SLC16A2: variants seen among roughly 807,000 people sequenced by gnomAD.
The protein encoded by SLC16A2 is solute carrier family 16 member 2.
SLC16A2 carries 3 observed loss-of-function variants against 27.2 expected under a neutral mutation model. The observed-to-expected ratio is 0.11, with a 90% CI of 0.05 to 0.28. SLC16A2 has a LOEUF of 0.28. SLC16A2 is among the 10% of genes least tolerant of loss of function. The probability of loss-of-function intolerance (pLI) is 1.00; values close to 1 mark genes in which losing one functional copy is unlikely to be tolerated. For missense variants in SLC16A2, 295 were observed against 458.5 expected (o/e 0.64, Z 3.26); for synonymous variants, 202 against 187.8 (o/e 1.08, Z -0.62).
At chrX:74,471,021 A>G (rs2147852262) in intron 1 of SLC16A2, among the ~76,000 whole-genome samples, 1 of 112,275 alleles carries the variant, frequency 8.9e-6, no homozygotes, top group Admixed American at 9.4e-5. Flanking sequence ...TCTTTATCAG[A>G]TATGTCATTT....
At chrX:74,491,403 T>C (rs1434898485) in intron 1 of SLC16A2, among the ~76,000 whole-genome samples, 1 of 112,274 alleles carries the variant, frequency 8.9e-6, no homozygotes, top group Non-Finnish European at 1.9e-5. Context: ...TTGTGATCAA[T>C]AGAAAGGAAA....
intron 1 of SLC16A2, among the ~76,000 whole-genome samples, chrX:74,494,052 G>A (rs1396059977): frequency 1.8e-5 from 2 of 111,915 alleles, no homozygotes; most frequent in Admixed American, 1.9e-4. Flanking sequence ...AGGCTGAGAG[G>A]AGCAACACAG....
At chrX:74,495,477 C>T (rs1446321615) in intron 1 of SLC16A2, among the ~76,000 whole-genome samples, 3 of 109,027 alleles carry the variant, frequency 2.8e-5, no homozygotes, top group Non-Finnish European at 3.8e-5. Context: ...CCAGGCTGTC[C>T]TGTGGTTGAA....
chrX:74,421,805 G>C lies in SLC16A2; in HGVS notation c.168G>C (p.Gln56His), dbSNP rs1928302992. 1 of 1,160,603 alleles carries C rather than the reference G, an allele frequency of 8.6e-7. No homozygotes were observed. Among genetic ancestry groups the C allele is most frequent in the Non-Finnish European group, 1.2e-6 (1 of 865,434 alleles). The change falls in exon 1 of 6, where the codon CAG becomes CAC. Residue 56 changes from glutamine to histidine, a missense_variant. Physicochemically the swap from Gln to His is conservative, Grantham distance 24. Transcript: ENST00000587091. ...VPPPEPQPEP[Q>H]PLPDPAPLPE... Reference sequence around the variant, plus strand: ...CGCCCGAGCCCCAGCCGGAGCCCCAGCCCCTACCGGACCCCGCACCCCTGC... The same window carrying C: ...CGCCCGAGCCCCAGCCGGAGCCCCACCCCCTACCGGACCCCGCACCCCTGC...
intron 1 of SLC16A2, among the ~76,000 whole-genome samples, chrX:74,466,353 C>A (rs1166237048): frequency 1.8e-5 from 2 of 111,245 alleles, no homozygotes; most frequent in Non-Finnish European, 3.8e-5. Context: ...GGGAGAACAG[C>A]CATCCCTCAG....
chrX:74,528,763 A>G (rs1194854620), intron 4 of SLC16A2, among the ~76,000 whole-genome samples: 1 of 111,672 alleles, frequency 9.0e-6, no homozygotes, highest in East Asian at 2.8e-4. Flanking sequence ...TTACAACCCC[A>G]TCTGATCATC....
Position 74,421,780 on chromosome X carries a change from C to A in SLC16A2, c.143C>A (p.Pro48Gln). Residue 48 changes from proline (P) to glutamine (Q), a missense_variant, in exon 1 of 6, where the codon CCG becomes CAG. Physicochemically the swap from Pro to Gln is moderately conservative, Grantham distance 76 (BLOSUM62 -1). Transcript: ENST00000587091. Reference protein sequence around the residue: ...EPEPEPVPVPPPEPQPEPQPL... With the variant: ...EPEPEPVPVPQPEPQPEPQPL... ...GAGCCCGAGCCCGTGCCAGTGCCCC[C>A]GCCCGAGCCCCAGCCGGAGCCCCAG... 8.8e-7 allele frequency: 1 copy of A among 1,142,500 alleles called. No homozygotes were observed. The highest frequency in any genetic ancestry group is 3.2e-5 in the East Asian group (1 of 31,086). 94.2% of individuals were successfully genotyped at this position (1,142,500 alleles called of 1,213,427 possible).
At chrX:74,452,028 G>A (rs1928952538) in intron 1 of SLC16A2, among the ~76,000 whole-genome samples, 1 of 112,696 alleles carries the variant, frequency 8.9e-6, no homozygotes, top group African/African-American at 3.2e-5. Context: ...CGCTATCAGA[G>A]CACAATACGA....
intron 1 of SLC16A2, among the ~76,000 whole-genome samples, chrX:74,511,026 G>T (rs748013564): frequency 9.0e-6 from 1 of 110,561 alleles, no homozygotes; most frequent in African/African-American, 3.3e-5. Flanking sequence ...AGCCATGATT[G>T]TGCCACTGCA....
intron 1 of SLC16A2, among the ~76,000 whole-genome samples, chrX:74,506,446 G>A (rs900982172): frequency 4.6e-4 from 51 of 111,596 alleles, no homozygotes; most frequent in Non-Finnish European, 8.3e-4. Context: ...TAAAAACCTC[G>A]AGGTAAATCT....
At chrX:74,499,822 C>T in intron 1 of SLC16A2, among the ~76,000 whole-genome samples, 1 of 111,217 alleles carries the variant, frequency 9.0e-6, no homozygotes, top group East Asian at 2.8e-4. Flanking sequence ...ACTAGGATGG[C>T]TAAATAGTAG....
chrX:74,507,862 A>G lies in SLC16A2; in HGVS notation c.431-13128A>G, dbSNP rs761837119. Among the ~76,000 whole-genome samples the G allele has an allele frequency of 2.2e-3, 251 of 112,292 alleles. 2 individuals carry two copies. Among genetic ancestry groups the G allele is most frequent in the African/African-American group, 7.6e-3 (235 of 30,963 alleles). On this transcript the variant is annotated intron_variant, in intron 1 of 5. Transcript: ENST00000587091. ...ATGGCCAAATGGTATTCCCTTGTGT[A>G]TATATACTACATTTTCTTTATCCAT...
chrX:74,429,101 C>T (rs1928480301), intron 1 of SLC16A2, among the ~76,000 whole-genome samples: 1 of 110,955 alleles, frequency 9.0e-6, no homozygotes, highest in Non-Finnish European at 1.9e-5. Flanking sequence ...GAAGATTGCT[C>T]CAGCCCAGGA....
At chrX:74,496,218 G>A (rs1181198809) in intron 1 of SLC16A2, among the ~76,000 whole-genome samples, 2 of 108,577 alleles carry the variant, frequency 1.8e-5, no homozygotes, top group Non-Finnish European at 3.8e-5. Flanking sequence ...AAATCCTCAG[G>A]GAGCTCCTGG....
chrX:74,421,841 G>A lies in SLC16A2; in HGVS notation c.204G>A (p.Glu68=), dbSNP rs958743482. ...ACCCCGCACCCCTGCCGGAGCTGGA[G>A]TTCGAGTCCGAGCGGGTGCACGAAC... ...LPDPAPLPEL[E]FESERVHEPE... The change falls in exon 1 of 6, where the codon GAG becomes GAA. Residue 68 remains glutamate (E), a synonymous_variant. Coordinates refer to ENST00000587091, the MANE Select transcript of SLC16A2 (RefSeq NM_006517.5). 8.3e-7 allele frequency: 1 copy of A among 1,201,800 alleles called. No individual in the cohort carries two copies. Among genetic ancestry groups the A allele is most frequent in the Non-Finnish European group, 1.1e-6 (1 of 890,389 alleles).
At chrX:74,497,813 T>C (rs753850704) in intron 1 of SLC16A2, among the ~76,000 whole-genome samples, 1 of 104,338 alleles carries the variant, frequency 9.6e-6, no homozygotes, top group East Asian at 3.1e-4. Context: ...GCCCCTTTTG[T>C]ACATCCTTGC....
chrX:74,518,953 A>G (rs913107268), intron 1 of SLC16A2, among the ~76,000 whole-genome samples: 2 of 112,042 alleles, frequency 1.8e-5, no homozygotes, highest in African/African-American at 6.5e-5. Context: ...AGTTTGATCA[A>G]GTCTAATATA....
chrX:74,514,488 G>A (rs1289476408), intron 1 of SLC16A2, among the ~76,000 whole-genome samples: 1 of 111,159 alleles, frequency 9.0e-6, no homozygotes, highest in Admixed American at 9.6e-5. Context: ...ATGCTGAGGT[G>A]GTGTCAGAGA....
chrX:74,427,326 C>T (rs2147835902), intron 1 of SLC16A2, among the ~76,000 whole-genome samples: 1 of 111,730 alleles, frequency 9.0e-6, no homozygotes, highest in African/African-American at 3.3e-5. Flanking sequence ...CTGGATCCTG[C>T]TGTGGTGGGG....
Sources: allele counts gnomAD v4.1 joint callset (sites outside exome capture counted in the v4.1 genomes callset), GRCh38; gene constraint gnomAD v4.1.1; transcripts MANE v1.5; gene names NCBI Gene and HGNC (gene_info 2026-07-23, HGNC 2026-07-21).